Variants in RANBP2 observed in about 807,000 individuals in gnomAD.
RANBP2 encodes RAN binding protein 2.
A neutral mutation model predicts 303.6 loss-of-function variants in RANBP2; 57 were observed. The observed-to-expected ratio is 0.19, with a 90% CI of 0.15 to 0.23. RANBP2 has a LOEUF of 0.23. RANBP2 is among the 10% of genes least tolerant of loss of function. The probability of loss-of-function intolerance (pLI) is 1.00; values close to 1 mark genes in which losing one functional copy is unlikely to be tolerated. For synonymous variants in RANBP2, 1,167 were observed against 1,301.5 expected (o/e 0.90, Z 2.23); for missense variants, 3,138 against 3,780.8 (o/e 0.83, Z 4.46).
At chr2:109,589,071 T>C in the RANBP2 span, among the ~76,000 whole-genome samples, 1 of 152,164 alleles carries the variant, frequency 6.6e-6, no homozygotes, top group African/African-American at 2.4e-5. Context: ...GTTGGGATTA[T>C]AGGCGCCACC....
At chr2:109,149,245 A>G in the RANBP2 span, among the ~76,000 whole-genome samples, 7 of 152,094 alleles carry the variant, frequency 4.6e-5, no homozygotes, top group African/African-American at 1.7e-4. Context: ...CTAGTCAGAC[A>G]CTAAGAATGT....
chr2:109,582,703 A>G, the RANBP2 span, among the ~76,000 whole-genome samples: 1 of 152,324 alleles, frequency 6.6e-6, no homozygotes, highest in African/African-American at 2.4e-5. Flanking sequence ...AGAAACAAAA[A>G]AGAGACTGAA....
the RANBP2 span, chr2:108,912,722 G>C: frequency 6.2e-7 from 1 of 1,603,166 alleles, no homozygotes; most frequent in Non-Finnish European, 8.5e-7. Flanking sequence ...GCTGCCCGAG[G>C]TGCCAGGGAA....
At position 108,726,132 on chromosome 2, in the gene RANBP2, A is replaced by G. The variant is rs190696766; in HGVS notation, c.73-3000A>G. On this transcript the variant is annotated intron_variant, in intron 1 of 28. Transcript: ENST00000283195. Reference sequence around the variant, plus strand: ...AGATTATATAAATAAACATTTCATGAGTTTTAAATTGCAAACGGTTCTGAA... The same window carrying G: ...AGATTATATAAATAAACATTTCATGGGTTTTAAATTGCAAACGGTTCTGAA... Among the ~76,000 whole-genome samples the G allele has an allele frequency of 2.0e-5, 3 of 152,326 alleles. No individual in the cohort carries two copies. The East Asian group carries it at 5.8e-4, about 29-fold the overall frequency.
chr2:109,267,958 C>T, the RANBP2 span, among the ~76,000 whole-genome samples: 1 of 152,000 alleles, frequency 6.6e-6, no homozygotes, highest in African/African-American at 2.4e-5. Context: ...CAGAGCACCC[C>T]AGCTCTCAGC....
the RANBP2 span, among the ~76,000 whole-genome samples, chr2:108,998,208 C>G: frequency 6.6e-6 from 1 of 152,160 alleles, no homozygotes; most frequent in Non-Finnish European, 1.5e-5. Context: ...AGACCATGAT[C>G]TCTTCTTCCT....
At chr2:109,703,261 G>A in the RANBP2 span, among the ~76,000 whole-genome samples, 2 of 152,166 alleles carry the variant, frequency 1.3e-5, no homozygotes, top group Non-Finnish European at 2.9e-5. Flanking sequence ...ATTAATCACT[G>A]AGCTTTGAAT....
the RANBP2 span, among the ~76,000 whole-genome samples, chr2:108,940,724 C>T: frequency 4.6e-5 from 7 of 152,216 alleles, no homozygotes; most frequent in South Asian, 8.3e-4. Context: ...TGGGTCTGAA[C>T]GGGGCAGGCT....
chr2:109,076,607 T>C, the RANBP2 span, among the ~76,000 whole-genome samples: 1 of 150,120 alleles, frequency 6.7e-6, no homozygotes, highest in African/African-American at 2.4e-5. Context: ...ATACCAACAT[T>C]GAAATATCTA....
At chr2:108,774,987 C>T (rs754989162) in intron 23 of RANBP2, among the ~76,000 whole-genome samples, 40 of 151,938 alleles carry the variant, frequency 2.6e-4, no homozygotes, top group African/African-American at 8.2e-4. Context: ...CCACTGGGCC[C>T]GGCCTAGTTT....
At chr2:109,342,037 G>A in the RANBP2 span, among the ~76,000 whole-genome samples, 3 of 152,222 alleles carry the variant, frequency 2.0e-5, no homozygotes, top group African/African-American at 2.4e-5. Context: ...GGGGCCTATG[G>A]ACGAATGTGT....
At chr2:108,849,757 G>A in the RANBP2 span, among the ~76,000 whole-genome samples, 1 of 152,226 alleles carries the variant, frequency 6.6e-6, no homozygotes, top group Admixed American at 6.5e-5. Context: ...GCCTCTCCCA[G>A]CCTAGGCACA....
At chr2:108,912,531 A>G in the RANBP2 span, 5 of 771,668 alleles carry the variant, frequency 6.5e-6, no homozygotes, top group Non-Finnish European at 8.9e-6. Flanking sequence ...CACGGGGGGC[A>G]ACATGTCATT....
the RANBP2 span, among the ~76,000 whole-genome samples, chr2:109,110,086 T>G: frequency 6.6e-6 from 1 of 152,116 alleles, no homozygotes; most frequent in East Asian, 1.9e-4. Context: ...AGGTCTTGCT[T>G]GAGACAAAAC....
the RANBP2 span, chr2:109,347,645 G>A: frequency 1.5e-4 from 236 of 1,606,138 alleles, no homozygotes; most frequent in Non-Finnish European, 1.8e-4. Flanking sequence ...GGGCATGCCC[G>A]GTGACCACAT....
chr2:109,613,369 GC>G, the RANBP2 span: 1 of 338,474 alleles, frequency 3.0e-6, no homozygotes, highest in Non-Finnish European at 5.7e-6. Context: ...CTTTTGAAAA[GC>G]CAGGGGAGCC....
the RANBP2 span, among the ~76,000 whole-genome samples, chr2:109,280,348 G>A: frequency 6.6e-6 from 1 of 152,324 alleles, no homozygotes; most frequent in African/African-American, 2.4e-5. Flanking sequence ...GCCAGCCAGT[G>A]GCAGTGGGCT....
At chr2:109,588,850 TAAA>T in the RANBP2 span, among the ~76,000 whole-genome samples, 7 of 111,448 alleles carry the variant, frequency 6.3e-5, no homozygotes, top group Non-Finnish European at 7.2e-5. Context: ...CAATTACTAT[TAAA>T]AAAAAAAAAA....
the RANBP2 span, among the ~76,000 whole-genome samples, chr2:109,233,477 G>A: frequency 3.3e-5 from 5 of 152,220 alleles, no homozygotes; most frequent in Non-Finnish European, 5.9e-5. Flanking sequence ...TGCCAGTGCA[G>A]TTTGGGGGTT....
Sources: gnomAD v4.1 joint callset for allele counts (sites outside exome capture counted in the v4.1 genomes callset) on GRCh38, gnomAD v4.1.1 for gene constraint, MANE v1.5 for transcripts, NCBI Gene and HGNC (gene_info 2026-07-23, HGNC 2026-07-21) for gene names.